KCNT2: variants seen among roughly 807,000 people sequenced by gnomAD.
KCNT2 encodes potassium channel subfamily T member 2.
A neutral mutation model predicts 153.8 loss-of-function variants in KCNT2; 67 were observed. The observed-to-expected ratio is 0.44, with a 90% confidence interval of 0.36 to 0.53. The LOEUF (loss-of-function observed/expected upper bound fraction) is 0.53, where lower values mean the gene tolerates loss of function less well. KCNT2 is among the 20% of genes least tolerant of loss of function. The probability of loss-of-function intolerance (pLI) is 0.00; values close to 1 mark genes in which losing one functional copy is unlikely to be tolerated. For missense variants in KCNT2, 975 were observed against 1,354.8 expected, an observed-to-expected ratio of 0.72 and a Z score of 4.40; for synonymous variants, 500 against 458.8, an observed-to-expected ratio of 1.09 and a Z score of -1.15.
chr1:196,405,838 TTAAAA>T (rs1421788572), intron 12 of KCNT2, among the ~76,000 whole-genome samples: 5 of 151,558 alleles, frequency 3.3e-5, no homozygotes, highest in African/African-American at 9.7e-5. Flanking sequence ...ATTGTAAAAC[TTAAAA>T]TAATACATGT....
chr1:196,384,569 C>T (rs534307420), intron 13 of KCNT2, among the ~76,000 whole-genome samples: 9 of 151,814 alleles, frequency 5.9e-5, no homozygotes, highest in South Asian at 2.1e-4. Context: ...TGGTGGTGCA[C>T]GCTAATGGGT....
In KCNT2 at chr1:196,227,247, G is replaced by T. The variant is rs926410770; in HGVS notation, c.*977C>A. ...ACATAAGGACTTTTAATGTTTTGAA[G>T]TGTCTTCAGAGTCCATAAAAGGTAT... On this transcript the variant is annotated 3_prime_UTR_variant, in exon 28 of 28. Coordinates refer to ENST00000294725, the MANE Select transcript of KCNT2 (RefSeq NM_198503.5). 1 of 151,890 alleles carries T rather than the reference G, an allele frequency of 6.6e-6. No homozygotes were observed. The highest frequency in any genetic ancestry group is 1.5e-5 in the Non-Finnish European group (1 of 67,868). The allele number at this position is 151,890 out of a possible 1,614,324, so 9.4% of individuals were successfully genotyped here.
intron 13 of KCNT2, among the ~76,000 whole-genome samples, chr1:196,374,995 T>C (rs1423501610): frequency 1.3e-5 from 2 of 151,882 alleles, no homozygotes; most frequent in Non-Finnish European, 2.9e-5. Flanking sequence ...GCACAAACCA[T>C]ATTTCTTTCA....
chr1:196,383,297 A>T (rs1669667993), intron 13 of KCNT2, among the ~76,000 whole-genome samples: 2 of 152,226 alleles, frequency 1.3e-5, no homozygotes, highest in South Asian at 4.1e-4. Context: ...ATTTTGATAT[A>T]GCCCAAACTA....
chr1:196,536,847 C>G (rs1655648510), intron 1 of KCNT2, among the ~76,000 whole-genome samples: 1 of 152,174 alleles, frequency 6.6e-6, no homozygotes, highest in Non-Finnish European at 1.5e-5. Flanking sequence ...ATACACCCAT[C>G]CCACTATTGA....
chr1:196,417,739 T>C lies in KCNT2; in HGVS notation c.1185+5311A>G, dbSNP rs569029694. 6.6e-5 allele frequency among the ~76,000 whole-genome samples: 10 copies of C among 152,230 alleles called. No homozygotes were observed. In the East Asian group the frequency reaches 1.6e-3, roughly 24 times the overall value. Reference sequence around the variant, plus strand: ...AGAAATCCATCATTAGACGATTTTGTCATTGGGCATAGACTGTACTTACAC... The same window carrying C: ...AGAAATCCATCATTAGACGATTTTGCCATTGGGCATAGACTGTACTTACAC... On this transcript the variant is annotated intron_variant, in intron 12 of 27. Transcript: ENST00000294725.
At chr1:196,384,635 G>A (rs560387499) in intron 13 of KCNT2, among the ~76,000 whole-genome samples, 6 of 148,604 alleles carry the variant, frequency 4.0e-5, no homozygotes, top group East Asian at 4.0e-4. Context: ...CCCAGGAGGC[G>A]AAGGTTGCAG....
chr1:196,558,518 C>T (rs1658981025), intron 1 of KCNT2, among the ~76,000 whole-genome samples: 1 of 151,122 alleles, frequency 6.6e-6, no homozygotes, highest in African/African-American at 2.4e-5. Flanking sequence ...ACAACCAGTG[C>T]AACAAGGCAA....
At chr1:196,321,893 C>T (rs921484320) in intron 19 of KCNT2, among the ~76,000 whole-genome samples, 11 of 151,728 alleles carry the variant, frequency 7.2e-5, no homozygotes, top group East Asian at 1.9e-4. Flanking sequence ...TTCATGGCAC[C>T]GACCTGTTTA....
At chr1:196,347,497 T>C (rs1347281719) in intron 14 of KCNT2, among the ~76,000 whole-genome samples, 1 of 152,212 alleles carries the variant, frequency 6.6e-6, no homozygotes, top group Non-Finnish European at 1.5e-5. Flanking sequence ...AAAACAGTCC[T>C]AACTCACTTC....
At chr1:196,419,745 G>A (rs1221745850) in intron 12 of KCNT2, among the ~76,000 whole-genome samples, 2 of 151,986 alleles carry the variant, frequency 1.3e-5, no homozygotes, top group African/African-American at 4.8e-5. Flanking sequence ...TGAGACATCT[G>A]AAGACATTCC....
intron 8 of KCNT2, among the ~76,000 whole-genome samples, chr1:196,456,648 T>C (rs962005311): frequency 4.6e-5 from 7 of 151,966 alleles, no homozygotes; most frequent in African/African-American, 1.7e-4. Context: ...TGCAATTAAA[T>C]TGTGCATTAT....
intron 14 of KCNT2, among the ~76,000 whole-genome samples, chr1:196,356,859 G>A (rs1186629100): frequency 6.6e-6 from 1 of 151,338 alleles, no homozygotes; most frequent in Non-Finnish European, 1.5e-5. Flanking sequence ...CCGCAAATTC[G>A]AAGAAAACAA....
intron 4 of KCNT2, among the ~76,000 whole-genome samples, chr1:196,479,909 T>C (rs1678864314): frequency 6.6e-6 from 1 of 152,220 alleles, no homozygotes; most frequent in African/African-American, 2.4e-5. Flanking sequence ...AGGCTACATC[T>C]TTGAGTACTA....
At chr1:196,588,030 A>T (rs1662898819) in intron 1 of KCNT2, among the ~76,000 whole-genome samples, 1 of 152,030 alleles carries the variant, frequency 6.6e-6, no homozygotes, top group Non-Finnish European at 1.5e-5. Flanking sequence ...AATCATAATC[A>T]ATACTTTGAA....
intron 26 of KCNT2, among the ~76,000 whole-genome samples, chr1:196,250,401 A>T (rs1163720850): frequency 2.6e-5 from 4 of 152,200 alleles, no homozygotes; most frequent in African/African-American, 4.8e-5. Context: ...ATTTCAATAA[A>T]TGATTCTAGG....
At chr1:196,596,056 G>GTA (rs1174131733) in intron 1 of KCNT2, among the ~76,000 whole-genome samples, 28 of 4,336 alleles carry the variant, frequency 6.5e-3, no homozygotes, top group African/African-American at 7.3e-3. Context: ...TCCATGATGT[G>GTA]TATATATATA....
At chr1:196,591,451 C>A (rs1172495772) in intron 1 of KCNT2, among the ~76,000 whole-genome samples, 1 of 152,096 alleles carries the variant, frequency 6.6e-6, no homozygotes, top group Non-Finnish European at 1.5e-5. Flanking sequence ...TCATATACCA[C>A]CCCCGCACCA....
At chr1:196,342,647 C>T (rs888809562) in intron 14 of KCNT2, among the ~76,000 whole-genome samples, 19 of 151,588 alleles carry the variant, frequency 1.3e-4, no homozygotes, top group African/African-American at 4.6e-4. Flanking sequence ...GTTATCTTAC[C>T]TATGATACCT....
Sources: allele counts gnomAD v4.1 joint callset (sites outside exome capture counted in the v4.1 genomes callset), GRCh38; gene constraint gnomAD v4.1.1; transcripts MANE v1.5; gene names NCBI Gene and HGNC (gene_info 2026-07-23, HGNC 2026-07-21).